Variants in OSBPL8 observed in about 807,000 individuals in gnomAD.
OSBPL8 encodes oxysterol binding protein like 8.
Under a neutral mutation model 125.5 loss-of-function variants are expected in OSBPL8, and 59 were observed. That is an observed-to-expected ratio of 0.47 (90% CI 0.38 to 0.58). The LOEUF (loss-of-function observed/expected upper bound fraction) is 0.58, where lower values mean the gene tolerates loss of function less well. OSBPL8 is among the 20% of genes least tolerant of loss of function. The probability of loss-of-function intolerance (pLI) is 0.00; values close to 1 mark genes in which losing one functional copy is unlikely to be tolerated. For synonymous variants in OSBPL8, 330 were observed against 338.9 expected (o/e 0.97, Z 0.29); for missense variants, 758 against 1,047.8 (o/e 0.72, Z 3.82).
intron 4 of OSBPL8, among the ~76,000 whole-genome samples, chr12:76,435,344 A>T (rs1205745454): frequency 6.6e-6 from 1 of 152,178 alleles, no homozygotes; most frequent in Non-Finnish European, 1.5e-5. Context: ...TAGAATTTAA[A>T]ATAGTTGAAC....
At chr12:76,356,561 C>T (rs1224087846) in intron 23 of OSBPL8, 65 bp downstream of exon 23, 3 of 991,526 alleles carry the variant, frequency 3.0e-6, no homozygotes, top group South Asian at 3.0e-5. Flanking sequence ...TATGATTTCC[C>T]ATATAACAGG....
intron 2 of OSBPL8, among the ~76,000 whole-genome samples, chr12:76,463,771 A>G (rs1260638199): frequency 1.3e-5 from 2 of 152,242 alleles, no homozygotes; most frequent in Admixed American, 1.3e-4. Flanking sequence ...TCATCCTTCC[A>G]GAGTTGCTTG....
intron 3 of OSBPL8, among the ~76,000 whole-genome samples, chr12:76,457,088 G>T (rs1473199462): frequency 1.3e-5 from 2 of 152,130 alleles, no homozygotes; most frequent in Non-Finnish European, 2.9e-5. Context: ...GATGAGAAAT[G>T]ACTTTTTAAA....
intron 3 of OSBPL8, among the ~76,000 whole-genome samples, chr12:76,457,563 C>T (rs1230548415): frequency 1.3e-5 from 2 of 152,124 alleles, no homozygotes; most frequent in African/African-American, 2.4e-5. Flanking sequence ...GAAGTGGACT[C>T]GTGTAGTTAA....
At chr12:76,370,220 G>A (rs911049685) in intron 19 of OSBPL8, among the ~76,000 whole-genome samples, 12 of 152,192 alleles carry the variant, frequency 7.9e-5, no homozygotes, top group African/African-American at 2.9e-4. Context: ...ATCCATTAAT[G>A]TAATGCAGTG....
rs1034359728 is a variant in OSBPL8 at position 76,415,950 on chromosome 12, T to G, written c.218-5316A>C. Reference sequence around the variant, plus strand: ...AGTCTTACATTTATTATAGTCTTTTTTTCTTTTTGGAGATTTTGCTCTTAT... The same window carrying G: ...AGTCTTACATTTATTATAGTCTTTTGTTCTTTTTGGAGATTTTGCTCTTAT... On this transcript the variant is annotated intron_variant, in intron 4 of 23. Transcript: ENST00000261183. Among the ~76,000 whole-genome samples the G allele has an allele frequency of 7.9e-5, 12 of 152,224 alleles. 1 individual carries two copies. In the East Asian group the frequency reaches 2.3e-3, roughly 29 times the overall value.
In OSBPL8 at chr12:76,530,569, AC is replaced by A. The variant is rs545635290; in HGVS notation, c.-68+28827del. On this transcript the variant is annotated intron_variant, in intron 1 of 23. Transcript: ENST00000261183. ...ACTACTTTTTTTTCCAAGACACTTA[AC>A]ACCTGACACACACATTTGTTTATAT... is the stretch of plus-strand genomic sequence containing the variant. 5.3e-5 allele frequency among the ~76,000 whole-genome samples: 8 copies of A among 152,248 alleles called. No individual in the cohort carries two copies. In the South Asian group the frequency reaches 1.7e-3, roughly 32 times the overall value.
At chr12:76,474,110 C>T (rs1197119303) in intron 2 of OSBPL8, among the ~76,000 whole-genome samples, 1 of 152,086 alleles carries the variant, frequency 6.6e-6, no homozygotes, top group Non-Finnish European at 1.5e-5. Context: ...TAGGAAGGTA[C>T]TATGTGTAGA....
chr12:76,462,137 G>A (rs1874820149), intron 2 of OSBPL8, among the ~76,000 whole-genome samples: 1 of 152,156 alleles, frequency 6.6e-6, no homozygotes, highest in African/African-American at 2.4e-5. Context: ...CACAAGGCCA[G>A]TCATGTTTGA....
intron 2 of OSBPL8, among the ~76,000 whole-genome samples, chr12:76,474,544 T>C (rs1202779842): frequency 2.0e-5 from 3 of 152,212 alleles, no homozygotes; most frequent in Admixed American, 6.5e-5. Flanking sequence ...TGCAGTGGCA[T>C]GATCTTGGCT....
At chr12:76,380,848 T>A (rs1483417603) in intron 15 of OSBPL8, among the ~76,000 whole-genome samples, 2 of 152,182 alleles carry the variant, frequency 1.3e-5, no homozygotes, top group Non-Finnish European at 2.9e-5. Context: ...ATTATTCAAT[T>A]TTCACCTTAA....
chr12:76,369,972 G>C, intron 19 of OSBPL8, 150 bp from the exon 20 acceptor site: 1 of 720,238 alleles, frequency 1.4e-6, no homozygotes, highest in Non-Finnish European at 2.2e-6. Context: ...TTAGAAATGA[G>C]TCAAGATATA....
intron 1 of OSBPL8, among the ~76,000 whole-genome samples, chr12:76,523,116 G>A (rs986047801): frequency 1.3e-5 from 2 of 152,196 alleles, no homozygotes; most frequent in Admixed American, 1.3e-4. Flanking sequence ...AGGATTACAG[G>A]CATGAGCCAC....
chr12:76,448,521 G>A (rs1386562275), intron 4 of OSBPL8, among the ~76,000 whole-genome samples: 1 of 152,090 alleles, frequency 6.6e-6, no homozygotes, highest in Non-Finnish European at 1.5e-5. Context: ...ATACCAGAGT[G>A]TGTATCATAT....
intron 1 of OSBPL8, among the ~76,000 whole-genome samples, chr12:76,544,973 C>G (rs1950745194): frequency 6.6e-6 from 1 of 152,042 alleles, no homozygotes; most frequent in South Asian, 2.1e-4. Context: ...TCTAAAAGGC[C>G]ATTGGTTCCA....
In OSBPL8 at chr12:76,499,303, ACTC is replaced by A. The variant is rs1233210470; in HGVS notation, c.-67-11688_-67-11686del. Among the ~76,000 whole-genome samples the A allele has an allele frequency of 3.5e-4, 21 of 59,964 alleles. 1 individual carries two copies. Among genetic ancestry groups the A allele is most frequent in the Non-Finnish European group, 5.3e-4 (16 of 30,090 alleles). The allele number at this position is 59,964 out of a possible 152,430, so 39.3% of individuals were successfully genotyped here. A position where few individuals can be genotyped will look rare whatever the true frequency, so the allele number is the denominator to read the frequency against. On this transcript the variant is annotated intron_variant, in intron 1 of 23. Transcript: ENST00000261183. Reference sequence around the variant, plus strand: ...GATCATGTAAGTTAATACTTAATAAACTCTATCTATCTATCTATCTATCTATCT... The same window carrying A: ...GATCATGTAAGTTAATACTTAATAAATATCTATCTATCTATCTATCTATCT...
chr12:76,402,286 T>G (rs549231451), intron 6 of OSBPL8, among the ~76,000 whole-genome samples: 10 of 152,272 alleles, frequency 6.6e-5, no homozygotes, highest in African/African-American at 2.4e-4. Flanking sequence ...AACTGTTGGG[T>G]CAAAATTTTA....
rs778393898 is a variant in OSBPL8 at position 76,386,592 on chromosome 12, T to C, written c.1421A>G (p.Tyr474Cys). The C allele has an allele frequency of 2.5e-6, 4 of 1,603,036 alleles. No homozygotes were observed. Among genetic ancestry groups the C allele is most frequent in the East Asian group, 2.2e-5 (1 of 44,638 alleles). ...KVVKWYLSGF[Y>C]KKPKGLKKPY... ...AAACATTATTACCTTTGGCTTTTTA[T>C]AGAATCCTGACAAATACCATTTCAC... The change falls in exon 13 of 24, where the codon TAT (tyrosine) becomes TGT (cysteine). Residue 474 changes from tyrosine (Y) to cysteine (C), a missense_variant. Tyr to Cys is a radical substitution (Grantham distance 194, BLOSUM62 -2). Transcript: ENST00000261183.
chr12:76,384,563 T>A (rs1953216522), intron 14 of OSBPL8, among the ~76,000 whole-genome samples: 1 of 152,160 alleles, frequency 6.6e-6, no homozygotes, highest in South Asian at 2.1e-4. Context: ...GGTAGTCACA[T>A]AGGCCCCTCT....
Sources: allele counts gnomAD v4.1 joint callset (sites outside exome capture counted in the v4.1 genomes callset), GRCh38; gene constraint gnomAD v4.1.1; transcripts MANE v1.5; gene names NCBI Gene and HGNC (gene_info 2026-07-23, HGNC 2026-07-21).